The following HS3ST5 variants were observed in gnomAD, a reference collection of about 807,000 sequenced individuals.
HS3ST5 encodes the protein heparan sulfate-glucosamine 3-sulfotransferase 5.
HS3ST5 carries 10 observed loss-of-function variants against 25.4 expected under a neutral mutation model. That is an observed-to-expected ratio of 0.39 (90% CI 0.24 to 0.67). HS3ST5 has a LOEUF of 0.67. HS3ST5 is among the 30% of genes least tolerant of loss of function. HS3ST5 has a pLI of 0.44. For missense variants in HS3ST5, 324 were observed against 420.7 expected (o/e 0.77, Z 2.01); for synonymous variants, 170 against 162.4 (o/e 1.05, Z -0.36).
chr6:114,172,686 A>G (rs1370339509), intron 2 of HS3ST5, among the ~76,000 whole-genome samples: 1 of 152,198 alleles, frequency 6.6e-6, no homozygotes, highest in Non-Finnish European at 1.5e-5. Flanking sequence ...AACTAGTTTG[A>G]GATTTTAATT....
In HS3ST5 at chr6:114,114,162, ATAGT is replaced by A. The variant is rs148017973; in HGVS notation, c.-32-51289_-32-51286del. ...ATAACCTGGGTGGTGGAAACAATTT[ATAGT>A]TCTTTAAACCACTATAGTGCCAAAC... On this transcript the variant is annotated intron_variant, in intron 3 of 4. Transcript: ENST00000312719. Among the ~76,000 whole-genome samples, 454 of 152,304 alleles carry A rather than the reference ATAGT, an allele frequency of 3.0e-3. 22 individuals are homozygous for A. In the East Asian group the frequency reaches 0.071, roughly 24 times the overall value.
At chr6:114,144,075 G>T (rs1006130385) in intron 3 of HS3ST5, among the ~76,000 whole-genome samples, 34 of 152,248 alleles carry the variant, frequency 2.2e-4, no homozygotes, top group African/African-American at 7.9e-4. Flanking sequence ...AAACCAGCAG[G>T]CAGTGTAAAT....
At position 114,342,360 on chromosome 6, in the gene HS3ST5, A is replaced by G. The variant is rs2224692; in HGVS notation, c.-504T>C. 0.17 allele frequency: 27,247 copies of G among 164,284 alleles called. 2,768 individuals are homozygous for G. The highest frequency in any genetic ancestry group is 0.23 in the Admixed American group (3,566 of 15,330). The allele number at this position is 164,284 out of a possible 1,614,324, so 10.2% of individuals were successfully genotyped here. Reference sequence around the variant, plus strand: ...CGGAGAGCGAGTCGGCGTGAATGAGAGCAAACCAACAGGGCTGTGCGTGGC... The same window carrying G: ...CGGAGAGCGAGTCGGCGTGAATGAGGGCAAACCAACAGGGCTGTGCGTGGC... On this transcript the variant is annotated 5_prime_UTR_variant, in exon 1 of 5. Coordinates refer to ENST00000312719, the MANE Select transcript of HS3ST5 (RefSeq NM_153612.4).
intron 1 of HS3ST5, among the ~76,000 whole-genome samples, chr6:114,231,988 A>C (rs1299010966): frequency 5.3e-5 from 8 of 152,300 alleles, no homozygotes; most frequent in African/African-American, 1.9e-4. Context: ...TAAACATTTC[A>C]GTTATATGTG....
chr6:114,300,809 A>G (rs1775041294), intron 1 of HS3ST5, among the ~76,000 whole-genome samples: 2 of 152,216 alleles, frequency 1.3e-5, no homozygotes, highest in South Asian at 4.1e-4. Context: ...ATAGAATATT[A>G]CTGTACAGTA....
intron 2 of HS3ST5, among the ~76,000 whole-genome samples, chr6:114,171,031 C>T (rs1779453804): frequency 6.6e-6 from 1 of 152,108 alleles, no homozygotes; most frequent in Admixed American, 6.5e-5. Flanking sequence ...TGCAGGGTCT[C>T]TGGCATAGCT....
chr6:114,331,018 C>T (rs189540403), intron 1 of HS3ST5, among the ~76,000 whole-genome samples: 50 of 152,340 alleles, frequency 3.3e-4, no homozygotes, highest in Admixed American at 1.3e-4. Flanking sequence ...GTCCTACTTT[C>T]AGCTACTTAT....
chr6:114,287,882 A>C (rs1418338765), intron 1 of HS3ST5, among the ~76,000 whole-genome samples: 3 of 152,026 alleles, frequency 2.0e-5, no homozygotes, highest in Admixed American at 6.6e-5. Context: ...CTGTAGTAAG[A>C]TGAGAATGTC....
intron 1 of HS3ST5, among the ~76,000 whole-genome samples, chr6:114,303,462 ATT>A (rs11324031): frequency 6.7e-5 from 10 of 149,072 alleles, no homozygotes; most frequent in South Asian, 2.1e-4. Context: ...CTGTGTTTGC[ATT>A]TTTTTTTTTC....
intron 1 of HS3ST5, among the ~76,000 whole-genome samples, chr6:114,306,141 T>C (rs894695230): frequency 2.6e-5 from 4 of 151,558 alleles, no homozygotes; most frequent in Non-Finnish European, 5.9e-5. Context: ...ATGTTCAACA[T>C]ATCCTTCTAT....
intron 2 of HS3ST5, among the ~76,000 whole-genome samples, chr6:114,219,235 AT>A (rs999730614): frequency 1.3e-5 from 2 of 152,110 alleles, no homozygotes; most frequent in East Asian, 3.8e-4. Context: ...ATTCTTACCA[AT>A]TTACATAATG....
chr6:114,173,141 A>G (rs1448118898), intron 2 of HS3ST5, among the ~76,000 whole-genome samples: 1 of 152,174 alleles, frequency 6.6e-6, no homozygotes, highest in Non-Finnish European at 1.5e-5. Context: ...ATTTTTTGAT[A>G]TATTAGTACA....
At chr6:114,134,593 G>A (rs1357945231) in intron 3 of HS3ST5, among the ~76,000 whole-genome samples, 3 of 152,168 alleles carry the variant, frequency 2.0e-5, no homozygotes, top group Non-Finnish European at 2.9e-5. Context: ...ACGTGGAATT[G>A]TCAAGGAAAT....
At chr6:114,073,583 AATGAGATACC>A (rs1773953414) in intron 3 of HS3ST5, among the ~76,000 whole-genome samples, 1 of 152,352 alleles carries the variant, frequency 6.6e-6, no homozygotes, top group African/African-American at 2.4e-5. Flanking sequence ...TCAAAACTAC[AATGAGATACC>A]ATCTCACACC....
At chr6:114,267,883 T>G (rs1384725099) in intron 1 of HS3ST5, among the ~76,000 whole-genome samples, 1 of 152,174 alleles carries the variant, frequency 6.6e-6, no homozygotes, top group African/African-American at 2.4e-5. Flanking sequence ...AAAACTTTTA[T>G]TATTAACCTC....
Position 114,280,152 on chromosome 6 carries a change from T to TG in HS3ST5, c.-338-51375dup, listed in dbSNP as rs545225996. 1.5e-4 allele frequency among the ~76,000 whole-genome samples: 22 copies of TG among 149,620 alleles called. 1 individual carries two copies. The East Asian group carries it at 4.2e-3, about 29-fold the overall frequency. ...GTGTGAGAGAGTGGGGGATGAGGTG[T>TG]GGGGGAAGATGTTGGAAAAAAGGTA... On this transcript the variant is annotated intron_variant, in intron 1 of 4. Coordinates refer to ENST00000312719, the MANE Select transcript of HS3ST5 (RefSeq NM_153612.4).
rs372660432 is a variant in HS3ST5, at chr6:114,133,191, A to G, written c.-33+35160T>C. Among the ~76,000 whole-genome samples, 98 of 152,208 alleles carry G rather than the reference A, an allele frequency of 6.4e-4. 1 individual carries two copies. Among genetic ancestry groups the G allele is most frequent in the African/African-American group, 2.0e-3 (85 of 41,540 alleles). On this transcript the variant is annotated intron_variant, in intron 3 of 4. Transcript: ENST00000312719. Reference sequence around the variant, plus strand: ...GTCTTCTGCCCATCAAGGGATGACAATGGGCCTGGTTCCTCACTGCCCTGT... The same window carrying G: ...GTCTTCTGCCCATCAAGGGATGACAGTGGGCCTGGTTCCTCACTGCCCTGT...
rs146129638 is a variant in HS3ST5 at position 114,208,702 on chromosome 6, A to G, written c.-145+19883T>C. Among the ~76,000 whole-genome samples, 382 of 152,250 alleles carry G rather than the reference A, an allele frequency of 2.5e-3. 2 individuals are homozygous for G. The highest frequency in any genetic ancestry group is 9.0e-3 in the African/African-American group (373 of 41,544). ...TGGTATTGCATTGTAGGAAAGAAACATTCTTGTCTCCTTTACTTACTCAGT... is the reference window on the plus strand; with the variant it reads ...TGGTATTGCATTGTAGGAAAGAAACGTTCTTGTCTCCTTTACTTACTCAGT... On this transcript the variant is annotated intron_variant, in intron 2 of 4. Coordinates refer to ENST00000312719, the MANE Select transcript of HS3ST5 (RefSeq NM_153612.4).
At chr6:114,166,865 T>G (rs73538664) in intron 3 of HS3ST5, among the ~76,000 whole-genome samples, 1,938 of 152,316 alleles carry the variant, frequency 0.013, 46 homozygotes, top group African/African-American at 0.045. Flanking sequence ...CCAATTTGAA[T>G]TAGCTCACTA....
Sources: gnomAD v4.1 joint callset for allele counts (sites outside exome capture counted in the v4.1 genomes callset) on GRCh38, gnomAD v4.1.1 for gene constraint, MANE v1.5 for transcripts, NCBI Gene and HGNC (gene_info 2026-07-23, HGNC 2026-07-21) for gene names.